TJP1: variants seen among roughly 807,000 people sequenced by gnomAD.
The protein encoded by TJP1 is tight junction protein ZO-1.
Under a neutral mutation model 194.2 loss-of-function variants are expected in TJP1, and 43 were observed. The observed-to-expected ratio is 0.22, with a 90% CI of 0.17 to 0.29. The LOEUF (loss-of-function observed/expected upper bound fraction) is 0.29. Ranked by LOEUF, TJP1 falls within the 10% of genes least tolerant of loss-of-function variation. The pLI is 1.00. For missense variants in TJP1, 1,971 were observed against 2,185.7 expected (o/e 0.90, Z 1.96); for synonymous variants, 801 against 779.0 (o/e 1.03, Z -0.47).
At chr15:29,750,580 T>C (rs548304143) in intron 8 of TJP1, among the ~76,000 whole-genome samples, 17 of 152,350 alleles carry the variant, frequency 1.1e-4, no homozygotes, top group African/African-American at 2.4e-4. Flanking sequence ...TGATAAGATA[T>C]GCCTGGTCGC....
chr15:29,721,840 T>A (rs1305443949), intron 18 of TJP1, among the ~76,000 whole-genome samples: 2 of 152,264 alleles, frequency 1.3e-5, no homozygotes. Flanking sequence ...AGGTCATTCA[T>A]TCTTGCTATG....
At chr15:29,765,539 A>G (rs1363539644) in intron 5 of TJP1, among the ~76,000 whole-genome samples, 1 of 152,136 alleles carries the variant, frequency 6.6e-6, no homozygotes, top group Non-Finnish European at 1.5e-5. Context: ...GAAATGCTCT[A>G]TAAGGGGTTC....
At chr15:29,967,209 T>C (rs1356868674) in intron 1 of TJP1, among the ~76,000 whole-genome samples, 1 of 151,858 alleles carries the variant, frequency 6.6e-6, no homozygotes, top group Non-Finnish European at 1.5e-5. Context: ...TATTTGTTTG[T>C]TTATTTAGTA....
At chr15:29,953,007 T>C (rs914947300) in intron 2 of TJP1, among the ~76,000 whole-genome samples, 5 of 152,186 alleles carry the variant, frequency 3.3e-5, no homozygotes, top group Non-Finnish European at 5.9e-5. Flanking sequence ...TGGTTCTACA[T>C]GATTATATTA....
chr15:29,950,042 TCCACCACCACCACCTCCACCA>T (rs2055627530), intron 2 of TJP1, among the ~76,000 whole-genome samples: 1 of 12,814 alleles, frequency 7.8e-5, no homozygotes, highest in Admixed American at 9.6e-4. Flanking sequence ...CACCACCACC[TCCACCACCACCACCTCCACCA>T]CCACCACCTC....
At chr15:29,877,909 C>T (rs1370521789) in intron 2 of TJP1, among the ~76,000 whole-genome samples, 5 of 152,212 alleles carry the variant, frequency 3.3e-5, no homozygotes, top group African/African-American at 4.8e-5. Context: ...ACTCGTGATC[C>T]GCTTGCCTTG....
chr15:29,945,050 T>C (rs1402018911), intron 2 of TJP1, among the ~76,000 whole-genome samples: 2 of 152,196 alleles, frequency 1.3e-5, no homozygotes, highest in Non-Finnish European at 2.9e-5. Flanking sequence ...TGGTCTACTT[T>C]AATAAAAATC....
intron 5 of TJP1, among the ~76,000 whole-genome samples, chr15:29,763,258 G>C (rs1472162427): frequency 6.6e-6 from 1 of 152,166 alleles, no homozygotes; most frequent in Non-Finnish European, 1.5e-5. Context: ...CCAGAGAACT[G>C]CCCAGGTTCC....
At chr15:29,908,132 G>A (rs1475438519) in intron 2 of TJP1, among the ~76,000 whole-genome samples, 1 of 130,160 alleles carries the variant, frequency 7.7e-6, no homozygotes, top group African/African-American at 2.9e-5. Context: ...GGAGATAAAA[G>A]GTCCAACATG....
chr15:29,764,901 G>A (rs1433164732), intron 5 of TJP1, among the ~76,000 whole-genome samples: 3 of 152,092 alleles, frequency 2.0e-5, no homozygotes, highest in Non-Finnish European at 4.4e-5. Flanking sequence ...TGGAAGCAGG[G>A]GAGCAGATGA....
chr15:29,912,357 G>A (rs2054040886), intron 2 of TJP1, among the ~76,000 whole-genome samples: 1 of 152,144 alleles, frequency 6.6e-6, no homozygotes, highest in Non-Finnish European at 1.5e-5. Context: ...TCAAATATTA[G>A]GTAGAACCAC....
intron 2 of TJP1, among the ~76,000 whole-genome samples, chr15:29,929,673 G>C (rs533880181): frequency 6.6e-6 from 1 of 151,838 alleles, no homozygotes; most frequent in African/African-American, 2.4e-5. Flanking sequence ...CTCCAGCCTG[G>C]GTGACAGGGC....
At chr15:29,898,069 C>T (rs909348273) in intron 2 of TJP1, among the ~76,000 whole-genome samples, 6 of 152,044 alleles carry the variant, frequency 3.9e-5, no homozygotes, top group South Asian at 2.1e-4. Flanking sequence ...GGGCCAGGAG[C>T]GGAATGATAT....
At chr15:29,722,220 G>T (rs2042971388) in intron 18 of TJP1, among the ~76,000 whole-genome samples, 1 of 152,200 alleles carries the variant, frequency 6.6e-6, no homozygotes, top group African/African-American at 2.4e-5. Flanking sequence ...AGGGCATTTT[G>T]GAGGCCTATG....
intron 2 of TJP1, among the ~76,000 whole-genome samples, chr15:29,884,871 G>C (rs1427475796): frequency 6.6e-6 from 1 of 152,190 alleles, no homozygotes; most frequent in Non-Finnish European, 1.5e-5. Context: ...AGATGACCCA[G>C]ATGACTTCAC....
intron 8 of TJP1, among the ~76,000 whole-genome samples, chr15:29,748,922 A>ATGTGTGTGTGTGTG (rs112772922): frequency 9.6e-5 from 10 of 104,688 alleles, no homozygotes; most frequent in South Asian, 3.2e-4. Flanking sequence ...AAGCTTAAAA[A>ATGTGTGTGTGTGTG]TGTGTGTGTG....
chr15:29,776,102 T>C (rs2047000080), intron 2 of TJP1, among the ~76,000 whole-genome samples: 1 of 152,060 alleles, frequency 6.6e-6, no homozygotes, highest in Non-Finnish European at 1.5e-5. Context: ...AACCCCCCAA[T>C]ATTACAGCTC....
chr15:29,833,460 C>T (rs2050898391), intron 2 of TJP1, among the ~76,000 whole-genome samples: 1 of 152,096 alleles, frequency 6.6e-6, no homozygotes, highest in Non-Finnish European at 1.5e-5. Context: ...GTGGCATAGT[C>T]TCAGCTCACT....
Position 29,783,261 on chromosome 15 carries a change from C to T in TJP1, c.85-9904G>A, listed in dbSNP as rs146039491. On this transcript the variant is annotated intron_variant, in intron 2 of 27. Transcript: ENST00000614355. ...TGCACTCCAGCCTGGGCAAAAAGAG[C>T]AAAACTCCATCTCAAAGAAACAAAC... Among the ~76,000 whole-genome samples the T allele has an allele frequency of 4.0e-3, 613 of 152,144 alleles. 15 individuals carry two copies. The East Asian group carries it at 0.076, about 19-fold the overall frequency.
Sources: gnomAD v4.1 joint callset for allele counts (sites outside exome capture counted in the v4.1 genomes callset) on GRCh38, gnomAD v4.1.1 for gene constraint, MANE v1.5 for transcripts, NCBI Gene and HGNC (gene_info 2026-07-23, HGNC 2026-07-21) for gene names.